POU2AF2: variants seen among roughly 807,000 people sequenced by gnomAD.
The protein encoded by POU2AF2 is POU class 2 homeobox associating factor 2, also known as POU domain class 2-associating factor 2.
chr11:111,248,233 G>A, the POU2AF2 span, among the ~76,000 whole-genome samples: 2 of 152,120 alleles, frequency 1.3e-5, no homozygotes, highest in African/African-American at 4.8e-5. Context: ...CCTAGTGGGC[G>A]TAAGGCTTAC....
chr11:111,263,891 C>T, the POU2AF2 span, among the ~76,000 whole-genome samples: 1 of 152,192 alleles, frequency 6.6e-6, no homozygotes, highest in Non-Finnish European at 1.5e-5. Flanking sequence ...TAACATCTAC[C>T]TTGCAAGGTT....
At chr11:111,268,274 A>G in the POU2AF2 span, among the ~76,000 whole-genome samples, 2 of 152,128 alleles carry the variant, frequency 1.3e-5, no homozygotes, top group African/African-American at 4.8e-5. Context: ...AACAGTTGGC[A>G]CCACTGCAAT....
At chr11:111,264,673 A>G in the POU2AF2 span, among the ~76,000 whole-genome samples, 1 of 148,368 alleles carries the variant, frequency 6.7e-6, no homozygotes, top group Non-Finnish European at 1.5e-5. Flanking sequence ...GGGAGGGAGG[A>G]AGGAAGGAGA....
the POU2AF2 span, among the ~76,000 whole-genome samples, chr11:111,247,970 G>T: frequency 1.5e-5 from 2 of 136,832 alleles, no homozygotes; most frequent in East Asian, 5.0e-4. Context: ...TGCAAGCTCC[G>T]CCTCCCGAAT....
the POU2AF2 span, among the ~76,000 whole-genome samples, chr11:111,276,456 ATATATATATATATATATAT>A: frequency 2.7e-5 from 1 of 36,578 alleles, no homozygotes; most frequent in Non-Finnish European, 6.3e-5. Context: ...AAAAAAAAAT[ATATATATATATATATATAT>A]ATATATATGT....
chr11:111,254,987 A>C, the POU2AF2 span, among the ~76,000 whole-genome samples: 1 of 152,198 alleles, frequency 6.6e-6, no homozygotes, highest in Non-Finnish European at 1.5e-5. Flanking sequence ...CCACTAATAC[A>C]GTGTATAAAT....
At chr11:111,275,229 C>T in the POU2AF2 span, among the ~76,000 whole-genome samples, 1 of 152,090 alleles carries the variant, frequency 6.6e-6, no homozygotes, top group Non-Finnish European at 1.5e-5. Context: ...AAGAACTCTC[C>T]CACAACAAAA....
At chr11:111,250,824 A>G in the POU2AF2 span, among the ~76,000 whole-genome samples, 1 of 152,222 alleles carries the variant, frequency 6.6e-6, no homozygotes, top group Non-Finnish European at 1.5e-5. Context: ...AGAGTACTCC[A>G]GACAGCAGAG....
chr11:111,271,102 C>G, the POU2AF2 span, among the ~76,000 whole-genome samples: 1 of 152,164 alleles, frequency 6.6e-6, no homozygotes, highest in Non-Finnish European at 1.5e-5. Context: ...GTGGGTGGAT[C>G]ACCTGAAGTC....
At chr11:111,264,411 G>A in the POU2AF2 span, among the ~76,000 whole-genome samples, 1 of 151,544 alleles carries the variant, frequency 6.6e-6, no homozygotes, top group Non-Finnish European at 1.5e-5. Context: ...CACAAGAATC[G>A]CTTGAACCCG....
At chr11:111,285,886 T>A in the POU2AF2 span, 2 of 1,612,416 alleles carry the variant, frequency 1.2e-6, no homozygotes, top group East Asian at 4.5e-5. Context: ...CCCCGCCTCC[T>A]TACCCCTTCA....
chr11:111,280,389 C>G, the POU2AF2 span, among the ~76,000 whole-genome samples: 1 of 152,246 alleles, frequency 6.6e-6, no homozygotes, highest in Admixed American at 6.5e-5. Flanking sequence ...GTTTCCCTTT[C>G]TGAGGTTTCA....
the POU2AF2 span, among the ~76,000 whole-genome samples, chr11:111,282,882 T>G: frequency 6.6e-6 from 1 of 152,212 alleles, no homozygotes. Flanking sequence ...CTCAAGTCTA[T>G]GCCCTCAAAC....
chr11:111,282,845 A>T, the POU2AF2 span, among the ~76,000 whole-genome samples: 1 of 152,158 alleles, frequency 6.6e-6, no homozygotes, highest in Non-Finnish European at 1.5e-5. Flanking sequence ...GGCCAGCTGG[A>T]ACAATTAAAC....
chr11:111,246,904 A>G, the POU2AF2 span, among the ~76,000 whole-genome samples: 2 of 152,138 alleles, frequency 1.3e-5, no homozygotes, highest in African/African-American at 2.4e-5. Context: ...TGTACATTAT[A>G]TCTCTAGAGT....
the POU2AF2 span, chr11:111,281,523 T>G: frequency 6.9e-7 from 1 of 1,448,548 alleles, no homozygotes; most frequent in Non-Finnish European, 9.6e-7. Context: ...ATAACGACCT[T>G]ACAACACTTC....
At chr11:111,257,719 T>C in the POU2AF2 span, among the ~76,000 whole-genome samples, 1 of 152,198 alleles carries the variant, frequency 6.6e-6, no homozygotes, top group Non-Finnish European at 1.5e-5. Context: ...GTTAAATAAA[T>C]GGAGCTTATC....
chr11:111,278,607 T>C, the POU2AF2 span, among the ~76,000 whole-genome samples: 2 of 151,554 alleles, frequency 1.3e-5, no homozygotes, highest in Admixed American at 1.3e-4. Flanking sequence ...GAACACACAG[T>C]GAGAAGCCAG....
chr11:111,284,243 T>C, the POU2AF2 span: 15 of 1,614,200 alleles, frequency 9.3e-6, no homozygotes, highest in Non-Finnish European at 1.0e-5. Context: ...CCTGGAGCCC[T>C]ACTTCCCCCA....
Sources: gnomAD v4.1 joint callset for allele counts (sites outside exome capture counted in the v4.1 genomes callset) on GRCh38, gnomAD v4.1.1 for gene constraint, MANE v1.5 for transcripts, NCBI Gene and HGNC (gene_info 2026-07-23, HGNC 2026-07-21) for gene names.